The following DDX31 variants were observed in gnomAD, a reference collection of about 807,000 sequenced individuals.
The protein encoded by DDX31 is ATP-dependent DNA helicase DDX31.
Under a neutral mutation model 91.3 loss-of-function variants are expected in DDX31, and 70 were observed. The ratio of observed to expected loss-of-function variants is 0.77; its 90% CI spans 0.63 to 0.94. The LOEUF (loss-of-function observed/expected upper bound fraction) is 0.94, where lower values mean the gene tolerates loss of function less well. DDX31 is among the 40% of genes least tolerant of loss of function. The pLI, the probability that DDX31 is intolerant of heterozygous loss-of-function variation, is 0.00. For synonymous variants in DDX31, 362 were observed against 350.6 expected (o/e 1.03, Z -0.36); for missense variants, 902 against 925.0 (o/e 0.98, Z 0.32).
intron 18 of DDX31, among the ~76,000 whole-genome samples, chr9:132,615,477 C>A (rs1831576602): frequency 6.6e-6 from 1 of 151,918 alleles, no homozygotes. Flanking sequence ...CTGCTGTTCT[C>A]TTCAAGACAA....
chr9:132,657,360 T>C (rs1394176584), intron 6 of DDX31, among the ~76,000 whole-genome samples: 1 of 152,224 alleles, frequency 6.6e-6, no homozygotes, highest in Non-Finnish European at 1.5e-5. Context: ...TTATCAACAC[T>C]TTCATCCACT....
At position 132,646,870 on chromosome 9, in the gene DDX31, T is replaced by C; in HGVS notation, c.1156A>G (p.Lys386Glu). 6.2e-7 allele frequency: 1 copy of C among 1,614,192 alleles called. No individual in the cohort carries two copies. Among genetic ancestry groups the C allele is most frequent in the Non-Finnish European group, 8.5e-7 (1 of 1,180,040 alleles). Residue 386 changes from lysine (K) to glutamate (E), a missense_variant, in exon 12 of 20, where the codon AAA becomes GAA. Lys to Glu is a moderately conservative substitution (Grantham distance 56, BLOSUM62 1). Transcript: ENST00000372159. ...LKQHVTVVPSKLRLVCLAAFI... is the reference protein window; with the variant it reads ...LKQHVTVVPSELRLVCLAAFI... Reference sequence around the variant, plus strand: ...GCCGCTAGGCAGACAAGCCTCAGTTTGCTGGGAACCACAGTCACATGCTGC... The same window carrying C: ...GCCGCTAGGCAGACAAGCCTCAGTTCGCTGGGAACCACAGTCACATGCTGC...
At chr9:132,624,541 G>A (rs1247361699) in intron 17 of DDX31, among the ~76,000 whole-genome samples, 1 of 152,116 alleles carries the variant, frequency 6.6e-6, no homozygotes, top group African/African-American at 2.4e-5. Context: ...TTAAATATAT[G>A]TGCTTTGAAG....
At position 132,612,155 on chromosome 9, in the gene DDX31, G is replaced by A. The variant is rs777080941; in HGVS notation, c.1926C>T (p.Phe642=). The A allele has an allele frequency of 1.8e-5, 29 of 1,614,076 alleles. No homozygotes were observed. Among genetic ancestry groups the A allele is most frequent in the Admixed American group, 8.3e-5 (5 of 60,010 alleles). The part of the protein sequence containing the change: ...SLHLGHVAKS[F]GLRDAPRNLS... ...GATTCCTGGGGGCATCTCTTAGTCC[G>A]AAGCTCTTCGCCACATGCCCAAGGT... The change falls in exon 19 of 20, where the codon TTC becomes TTT. Residue 642 remains phenylalanine, a synonymous_variant. Transcript: ENST00000372159.
intron 6 of DDX31, chr9:132,658,201 T>G: frequency 1.5e-6 from 1 of 681,090 alleles, no homozygotes; most frequent in Admixed American, 2.1e-5. Context: ...GAATTAACCT[T>G]CACTGTAAGT....
At chr9:132,613,353 G>C (rs1191510588) in intron 18 of DDX31, among the ~76,000 whole-genome samples, 1 of 152,200 alleles carries the variant, frequency 6.6e-6, no homozygotes, top group Non-Finnish European at 1.5e-5. Flanking sequence ...ACAATTTAGG[G>C]ACATTCATCA....
chr9:132,658,159 G>A (rs1287204009), intron 6 of DDX31: 2 of 615,254 alleles, frequency 3.3e-6, no homozygotes, highest in Admixed American at 2.7e-5. Context: ...GGAAGACACA[G>A]ATGCATGGCC....
chr9:132,607,969 G>A (rs1831115713), intron 19 of DDX31, among the ~76,000 whole-genome samples: 1 of 152,182 alleles, frequency 6.6e-6, no homozygotes, highest in African/African-American at 2.4e-5. Context: ...TGACGACCTA[G>A]ACAGATAGAC....
intron 1 of DDX31, among the ~76,000 whole-genome samples, chr9:132,664,753 C>T (rs1278329620): frequency 1.4e-5 from 2 of 145,792 alleles, no homozygotes; most frequent in Admixed American, 6.9e-5. Context: ...ATATGATCAA[C>T]AAAGCCTTCT....
In DDX31 at chr9:132,616,058, G is replaced by A. The variant is rs141217322; in HGVS notation, c.1825+2272C>T. Among the ~76,000 whole-genome samples the A allele has an allele frequency of 6.9e-3, 1,051 of 152,294 alleles. 1 individual carries two copies. The highest frequency in any genetic ancestry group is 0.011 in the Non-Finnish European group (759 of 68,018). On this transcript the variant is annotated intron_variant, in intron 18 of 19. Coordinates refer to ENST00000372159, the MANE Select transcript of DDX31 (RefSeq NM_022779.9). ...GTGTCTCCACCTATGGGGTGCAGTGGCTGTTCCTATGCAGTAAATTCAATA... is the reference window on the plus strand; with the variant it reads ...GTGTCTCCACCTATGGGGTGCAGTGACTGTTCCTATGCAGTAAATTCAATA...
Position 132,662,338 on chromosome 9 carries a change from T to A in DDX31, c.333-2A>T. The A allele has an allele frequency of 3.1e-6, 5 of 1,614,238 alleles. No individual in the cohort carries two copies. The highest frequency in any genetic ancestry group is 4.2e-6 in the Non-Finnish European group (5 of 1,180,044). ...TCTTGCACCTGCTTTACCACAGGTC[T>A]GCAAATGATGAACAAGAACCCAGGC... On this transcript the variant is annotated splice_acceptor_variant, in intron 2 of 19. Transcript: ENST00000372159. LOFTEE classifies it high-confidence loss of function.
intron 1 of DDX31, chr9:132,663,367 C>T (rs1489049211): frequency 7.8e-6 from 10 of 1,274,882 alleles, no homozygotes; most frequent in Non-Finnish European, 1.0e-5. Flanking sequence ...ACAATTACTT[C>T]CTACCTCCCT....
intron 8 of DDX31, among the ~76,000 whole-genome samples, chr9:132,650,700 C>A (rs1271939583): frequency 3.3e-5 from 5 of 152,206 alleles, no homozygotes; most frequent in Non-Finnish European, 7.3e-5. Context: ...AATTCATGAT[C>A]CAATTTGGTG....
At chr9:132,663,883 AAG>A (rs1386164562) in intron 1 of DDX31, among the ~76,000 whole-genome samples, 3 of 152,258 alleles carry the variant, frequency 2.0e-5, no homozygotes, top group African/African-American at 7.2e-5. Flanking sequence ...AGATTAAAGA[AAG>A]AGATGAAATC....
chr9:132,600,400 C>T (rs528991404), intron 19 of DDX31, among the ~76,000 whole-genome samples: 1 of 152,038 alleles, frequency 6.6e-6, no homozygotes, highest in Admixed American at 6.5e-5. Context: ...AGCAGCATTC[C>T]TAGGAGGGGT....
intron 16 of DDX31, among the ~76,000 whole-genome samples, chr9:132,628,125 C>T (rs532591697): frequency 6.6e-6 from 1 of 152,360 alleles, no homozygotes; most frequent in South Asian, 2.1e-4. Context: ...AAGAACAATG[C>T]ATGACTGCAA....
intron 1 of DDX31, among the ~76,000 whole-genome samples, chr9:132,668,280 G>A (rs1590119126): frequency 6.6e-6 from 1 of 151,928 alleles, no homozygotes; most frequent in Non-Finnish European, 1.5e-5. Flanking sequence ...TTAATTCTAG[G>A]GCATCTTACC....
At chr9:132,599,869 A>G (rs1279152378) in intron 19 of DDX31, among the ~76,000 whole-genome samples, 2 of 152,280 alleles carry the variant, frequency 1.3e-5, no homozygotes, top group Non-Finnish European at 2.9e-5. Context: ...CCACATGGGA[A>G]GAAAAGCCTG....
chr9:132,630,205 A>G lies in DDX31; in HGVS notation c.1631+59T>C. ...CTTACAAGGCCCATTCACTGTAAAAAGCGACAGAAAGTTAATTAGGTGAGA... is the reference window on the plus strand; with the variant it reads ...CTTACAAGGCCCATTCACTGTAAAAGGCGACAGAAAGTTAATTAGGTGAGA... On this transcript the variant is annotated intron_variant, in intron 16 of 19. Transcript: ENST00000372159. 2.7e-6 allele frequency: 4 copies of G among 1,498,624 alleles called. No individual in the cohort carries two copies. The Admixed American group carries it at 8.0e-5, about 30-fold the overall frequency. 92.8% of individuals were successfully genotyped at this position (1,498,624 alleles called of 1,614,324 possible). A position where few individuals can be genotyped will look rare whatever the true frequency, so the allele number is the denominator to read the frequency against.
Sources: allele counts gnomAD v4.1 joint callset (sites outside exome capture counted in the v4.1 genomes callset), GRCh38; gene constraint gnomAD v4.1.1; transcripts MANE v1.5; gene names NCBI Gene and HGNC (gene_info 2026-07-23, HGNC 2026-07-21).